Variants in STXBP4 observed in about 807,000 individuals in gnomAD.
STXBP4 encodes syntaxin-binding protein 4.
A neutral mutation model predicts 76.1 loss-of-function variants in STXBP4; 55 were observed. The observed-to-expected ratio is 0.72, with a 90% CI of 0.58 to 0.91. The LOEUF (loss-of-function observed/expected upper bound fraction) is 0.91, where lower values mean the gene tolerates loss of function less well. STXBP4 is among the 40% of genes least tolerant of loss of function. STXBP4 has a pLI of 0.00. For missense variants in STXBP4, 618 were observed against 636.9 expected (o/e 0.97, Z 0.32); for synonymous variants, 201 against 220.2 (o/e 0.91, Z 0.77).
At chr17:55,181,550 A>G in the STXBP4 span, among the ~76,000 whole-genome samples, 2 of 152,218 alleles carry the variant, frequency 1.3e-5, no homozygotes, top group African/African-American at 4.8e-5. Flanking sequence ...CATAAGAAGC[A>G]CAGAGAAAGG....
At chr17:54,984,712 T>A (rs909336699) in intron 1 of STXBP4, among the ~76,000 whole-genome samples, 19 of 152,168 alleles carry the variant, frequency 1.2e-4, no homozygotes, top group African/African-American at 4.6e-4. Flanking sequence ...TTGTTGTGAA[T>A]CAGTTGCTGA....
At chr17:55,123,980 C>G (rs1365702009) in intron 16 of STXBP4, among the ~76,000 whole-genome samples, 1 of 151,970 alleles carries the variant, frequency 6.6e-6, no homozygotes, top group Non-Finnish European at 1.5e-5. Context: ...TTAACACCTC[C>G]TAATTTCTAT....
chr17:55,015,962 C>G (rs1258216204), intron 8 of STXBP4, among the ~76,000 whole-genome samples: 1 of 152,174 alleles, frequency 6.6e-6, no homozygotes, highest in Non-Finnish European at 1.5e-5. Context: ...GTTTCTCCCC[C>G]TTGAAGAGGA....
intron 16 of STXBP4, among the ~76,000 whole-genome samples, chr17:55,112,164 C>T (rs907925460): frequency 1.3e-5 from 2 of 152,112 alleles, no homozygotes; most frequent in African/African-American, 4.8e-5. Flanking sequence ...AAGTGATCCT[C>T]CCACCTCTGT....
Position 54,999,756 on chromosome 17 carries a change from AG to A in STXBP4, c.413del (p.Ser138IlefsTer10). On this transcript the variant is annotated frameshift_variant, in exon 6 of 18. Transcript: ENST00000376352. LOFTEE classifies it high-confidence loss of function. The part of the protein sequence containing the change: ...GEYGPQASTL[S>X]LFSSPPEILI... ...ATATGGACCTCAAGCCTCAACATTAAGTCTTTTTTCTTCTCCTCCTGAAATA... is the reference window on the plus strand; with the variant it reads ...ATATGGACCTCAAGCCTCAACATTAATCTTTTTTCTTCTCCTCCTGAAATA... The A allele has an allele frequency of 6.2e-7, 1 of 1,613,656 alleles. No individual in the cohort carries two copies. The highest frequency in any genetic ancestry group is 8.5e-7 in the Non-Finnish European group (1 of 1,179,736).
chr17:55,126,400 A>C lies in STXBP4; in HGVS notation c.1490-14910A>C, dbSNP rs75245707. ...GCAGAGAAATAGAAATAATTGTGTA[A>C]AACTAAATGGAAATGCTAAAAGTAT... On this transcript the variant is annotated intron_variant, in intron 16 of 17. Transcript: ENST00000376352. Among the ~76,000 whole-genome samples the C allele has an allele frequency of 1.6e-3, 243 of 152,308 alleles. 8 individuals are homozygous for C. The East Asian group carries it at 0.042, about 27-fold the overall frequency.
chr17:55,120,654 G>T (rs191123888), intron 16 of STXBP4, among the ~76,000 whole-genome samples: 8 of 152,302 alleles, frequency 5.3e-5, no homozygotes, highest in Non-Finnish European at 8.8e-5. Context: ...GGGTAAAAAT[G>T]GAACTTCTGA....
intron 5 of STXBP4, 54 bp downstream of exon 5, chr17:54,999,505 G>A (rs2144487684): frequency 2.0e-6 from 3 of 1,509,520 alleles, no homozygotes; most frequent in East Asian, 4.5e-5. Context: ...CTCCTTGAAA[G>A]CAGTAATTTA....
the STXBP4 span, among the ~76,000 whole-genome samples, chr17:55,211,564 T>TAAA: frequency 6.6e-6 from 1 of 152,208 alleles, no homozygotes; most frequent in Non-Finnish European, 1.5e-5. Context: ...CTTATTTCCC[T>TAAA]ATTGTTTTTT....
the STXBP4 span, among the ~76,000 whole-genome samples, chr17:55,202,827 G>C: frequency 1.3e-5 from 2 of 152,068 alleles, no homozygotes; most frequent in African/African-American, 4.8e-5. Flanking sequence ...CAAAAGCTGG[G>C]TACATGCTTC....
At chr17:55,207,475 C>A in the STXBP4 span, among the ~76,000 whole-genome samples, 1 of 152,188 alleles carries the variant, frequency 6.6e-6, no homozygotes, top group Non-Finnish European at 1.5e-5. Context: ...ACATAGGGAG[C>A]CCCCTAACTG....
chr17:55,078,195 G>GT lies in STXBP4; in HGVS notation c.1305+2dup. The GT allele has an allele frequency of 1.9e-6, 3 of 1,596,266 alleles. No individual in the cohort carries two copies. Among genetic ancestry groups the GT allele is most frequent in the Non-Finnish European group, 2.6e-6 (3 of 1,168,514 alleles). Reference sequence around the variant, plus strand: ...TGAAAAGCTTCTTCATTTTGTAGAGGTAAGTTTTTCTGTTCTATTACATTC... The same window carrying GT: ...TGAAAAGCTTCTTCATTTTGTAGAGGTTAAGTTTTTCTGTTCTATTACATTC... On this transcript the variant is annotated splice_donor_variant, in intron 14 of 17. Transcript: ENST00000376352. LOFTEE classifies it high-confidence loss of function.
At chr17:55,211,851 A>G in the STXBP4 span, among the ~76,000 whole-genome samples, 1 of 113,220 alleles carries the variant, frequency 8.8e-6, no homozygotes, top group Admixed American at 1.4e-4. Context: ...CTCTGTTGCC[A>G]GGCTGGAGTG....
intron 16 of STXBP4, among the ~76,000 whole-genome samples, chr17:55,105,861 A>C (rs2079628865): frequency 6.6e-6 from 1 of 152,030 alleles, no homozygotes; most frequent in Admixed American, 6.5e-5. Context: ...TTTGCTGAGG[A>C]GTGTTTTACT....
chr17:55,025,445 A>T (rs534443183), intron 8 of STXBP4, among the ~76,000 whole-genome samples: 1 of 152,324 alleles, frequency 6.6e-6, no homozygotes, highest in East Asian at 1.9e-4. Flanking sequence ...AATATAAGAA[A>T]ATCAATATAA....
intron 17 of STXBP4, among the ~76,000 whole-genome samples, chr17:55,157,301 G>A (rs1429541485): frequency 2.6e-5 from 4 of 152,148 alleles, no homozygotes; most frequent in African/African-American, 7.2e-5. Flanking sequence ...ACTTTGTACA[G>A]GGTGATGTGT....
chr17:55,158,548 T>C (rs1204038943), intron 17 of STXBP4, among the ~76,000 whole-genome samples: 1 of 152,210 alleles, frequency 6.6e-6, no homozygotes, highest in Admixed American at 6.5e-5. Flanking sequence ...TTTAGGAGAT[T>C]CATCCAGCCA....
At chr17:55,093,295 T>C (rs181818905) in intron 16 of STXBP4, among the ~76,000 whole-genome samples, 107 of 152,136 alleles carry the variant, frequency 7.0e-4, no homozygotes, top group Non-Finnish European at 8.7e-4. Context: ...CAGCCAAAAC[T>C]GTGTTTCTTT....
chr17:55,066,826 C>T (rs1484772), intron 12 of STXBP4, among the ~76,000 whole-genome samples: 27,933 of 151,942 alleles, frequency 0.18, 3,041 homozygotes, highest in Middle Eastern at 0.35. Context: ...GCGGAGGTTG[C>T]GGTGAATCAA....
Sources: gnomAD v4.1 joint callset for allele counts (sites outside exome capture counted in the v4.1 genomes callset) on GRCh38, gnomAD v4.1.1 for gene constraint, MANE v1.5 for transcripts, NCBI Gene and HGNC (gene_info 2026-07-23, HGNC 2026-07-21) for gene names.